Variants in PPEF1 observed in about 807,000 individuals in gnomAD.
PPEF1 encodes serine/threonine-protein phosphatase with EF-hands 1.
Under a neutral mutation model 53.3 loss-of-function variants are expected in PPEF1, and 12 were observed. That is an observed-to-expected ratio of 0.23 (90% CI 0.14 to 0.36). PPEF1 has a LOEUF of 0.36. Among genes scored for constraint, PPEF1 ranks in the 10% least tolerant of loss-of-function variants. The pLI, the probability that PPEF1 is intolerant of heterozygous loss-of-function variation, is 1.00. For synonymous variants in PPEF1, 165 were observed against 176.7 expected, an observed-to-expected ratio of 0.93 and a Z score of 0.52; for missense variants, 334 against 490.4, an observed-to-expected ratio of 0.68 and a Z score of 3.01.
chrX:18,720,171 T>C (rs1287521200), intron 1 of PPEF1, among the ~76,000 whole-genome samples: 3 of 111,839 alleles, frequency 2.7e-5, no homozygotes, highest in Non-Finnish European at 5.6e-5. Flanking sequence ...TTCAGTGTCA[T>C]TGAAGAGAAA....
chrX:18,696,702 T>C (rs1214043464), intron 4 of PPEF1, among the ~76,000 whole-genome samples: 4 of 111,576 alleles, frequency 3.6e-5, no homozygotes, highest in Admixed American at 9.5e-5. Flanking sequence ...TGGAGACTAC[T>C]AGGGGTTAGG....
At chrX:18,822,263 TC>T (rs754597085) in intron 13 of PPEF1, among the ~76,000 whole-genome samples, 2 of 110,072 alleles carry the variant, frequency 1.8e-5, no homozygotes, top group African/African-American at 3.3e-5. Flanking sequence ...GCAGTGTTCT[TC>T]CTGCACTGTC....
At position 18,782,306 on chromosome X, in the gene PPEF1, A is replaced by T. The variant is rs1016249871; in HGVS notation, c.726-60A>T. 1.0e-5 allele frequency: 10 copies of T among 965,374 alleles called. No homozygotes were observed. In the Admixed American group the frequency reaches 2.8e-4, roughly 27 times the overall value. 79.6% of individuals were successfully genotyped at this position (965,374 alleles called of 1,213,427 possible). A position where few individuals can be genotyped will look rare whatever the true frequency, so the allele number is the denominator to read the frequency against. On this transcript the variant is annotated intron_variant, in intron 7 of 15. Transcript: ENST00000470157. The stretch of plus-strand genomic sequence containing the variant: ...AGATGCCAAGGGCTTCCCTTTTTGC[A>T]TGACTCATGGAAGTAGGCGTTATCA...
Position 18,767,469 on chromosome X carries a change from C to T in PPEF1, c.558+5893C>T, listed in dbSNP as rs182331165. Reference sequence around the variant, plus strand: ...CTGAGGCAGAAGAATTGCTTGAACCCGGGATGCAGAGGTTGCAGTGAGCCG... The same window carrying T: ...CTGAGGCAGAAGAATTGCTTGAACCTGGGATGCAGAGGTTGCAGTGAGCCG... On this transcript the variant is annotated intron_variant, in intron 6 of 15. Coordinates refer to ENST00000470157, the MANE Select transcript of PPEF1 (RefSeq NM_001377996.1). 2.9e-4 allele frequency among the ~76,000 whole-genome samples: 32 copies of T among 111,649 alleles called. 2 individuals are homozygous for T. The highest frequency in any genetic ancestry group is 2.8e-3 in the Admixed American group (30 of 10,531).
At chrX:18,740,727 T>G (rs1037116521) in intron 3 of PPEF1, among the ~76,000 whole-genome samples, 10 of 111,449 alleles carry the variant, frequency 9.0e-5, no homozygotes, top group Non-Finnish European at 1.5e-4. Flanking sequence ...CTTTGATCTG[T>G]CTGTCTGTCT....
chrX:18,804,788 A>G (rs767705659), intron 11 of PPEF1, among the ~76,000 whole-genome samples: 1 of 111,503 alleles, frequency 9.0e-6, no homozygotes, highest in East Asian at 2.8e-4. Flanking sequence ...AGGGCCCAAA[A>G]CACAAAACAC....
At chrX:18,812,774 TTC>T (rs2046834156) in intron 12 of PPEF1, among the ~76,000 whole-genome samples, 1 of 111,717 alleles carries the variant, frequency 9.0e-6, no homozygotes, top group African/African-American at 3.2e-5. Flanking sequence ...TTCTTTCCTT[TTC>T]TCTTTTTTTG....
At chrX:18,710,459 G>A (rs1279574979) in intron 1 of PPEF1, among the ~76,000 whole-genome samples, 4 of 111,166 alleles carry the variant, frequency 3.6e-5, no homozygotes, top group Non-Finnish European at 7.5e-5. Flanking sequence ...TACTTTAAGA[G>A]TTTTGTAACA....
chrX:18,741,762 G>T (rs190429989), intron 3 of PPEF1, among the ~76,000 whole-genome samples: 1 of 99,856 alleles, frequency 1.0e-5, no homozygotes, highest in South Asian at 4.5e-4. Flanking sequence ...TTTGAGTCTG[G>T]CTGCTGCTTC....
chrX:18,703,393 A>G (rs2044127775), upstream of PPEF1, among the ~76,000 whole-genome samples: 1 of 112,369 alleles, frequency 8.9e-6, no homozygotes, highest in South Asian at 3.7e-4. Context: ...ATGATTTTAA[A>G]ACTTTCTTTA....
intron 10 of PPEF1, among the ~76,000 whole-genome samples, chrX:18,802,559 A>C (rs1436878696): frequency 8.9e-6 from 1 of 111,882 alleles, no homozygotes; most frequent in Admixed American, 9.5e-5. Context: ...AGGGGGGAAA[A>C]GTGAAGGAGA....
chrX:18,675,097 C>T (rs1054762331), upstream of PPEF1, among the ~76,000 whole-genome samples: 5 of 113,013 alleles, frequency 4.4e-5, no homozygotes, highest in East Asian at 5.7e-4. Flanking sequence ...GAGTTTGCGG[C>T]GGCTTCGAGT....
At chrX:18,795,539 A>G (rs2046415753) in intron 10 of PPEF1, among the ~76,000 whole-genome samples, 1 of 112,055 alleles carries the variant, frequency 8.9e-6, no homozygotes, top group Non-Finnish European at 1.9e-5. Context: ...AGTAAGATCT[A>G]TAAATATTCC....
intron 13 of PPEF1, among the ~76,000 whole-genome samples, chrX:18,819,386 T>A (rs1356639453): frequency 8.9e-6 from 1 of 111,909 alleles, no homozygotes; most frequent in African/African-American, 3.2e-5. Context: ...AGAATTAGTT[T>A]AGGAGTTATA....
intron 10 of PPEF1, among the ~76,000 whole-genome samples, chrX:18,801,919 G>A (rs1322834160): frequency 9.5e-6 from 1 of 105,488 alleles, no homozygotes; most frequent in Non-Finnish European, 1.9e-5. Flanking sequence ...AGGAGGCGGA[G>A]TTTGCAGTGA....
intron 1 of PPEF1, among the ~76,000 whole-genome samples, chrX:18,720,831 C>G (rs780032421): frequency 9.0e-6 from 1 of 110,864 alleles, no homozygotes; most frequent in Non-Finnish European, 1.9e-5. Flanking sequence ...GCTTTGGTGT[C>G]TGAGTTCCTT....
intron 9 of PPEF1, among the ~76,000 whole-genome samples, chrX:18,788,066 G>A (rs2238943): frequency 1.8e-5 from 2 of 110,701 alleles, no homozygotes; most frequent in East Asian, 2.9e-4. Context: ...CCTGTAATCC[G>A]AGCACTTTGG....
rs772567587 is a variant in PPEF1 at position 18,779,057 on chromosome X, T to C, written c.606T>C (p.Phe202=). 1.7e-6 allele frequency: 2 copies of C among 1,202,692 alleles called. No homozygotes were observed. Among genetic ancestry groups the C allele is most frequent in the African/African-American group, 1.8e-5 (1 of 56,968 alleles). The change falls in exon 7 of 16, where the codon TTT becomes TTC. Residue 202 remains phenylalanine (F), a synonymous_variant. Transcript: ENST00000470157. ...ACCCGTATGTTTTTAATGGTGACTTTGTAGATCGAGGAAAGAATTCCATAG... is the reference window on the plus strand; with the variant it reads ...ACCCGTATGTTTTTAATGGTGACTTCGTAGATCGAGGAAAGAATTCCATAG... ...ERNPYVFNGD[F]VDRGKNSIEI... is the part of the protein sequence containing the mutation.
At chrX:18,740,094 A>G (rs182787174) in intron 3 of PPEF1, among the ~76,000 whole-genome samples, 17 of 112,382 alleles carry the variant, frequency 1.5e-4, no homozygotes, top group African/African-American at 4.8e-4. Flanking sequence ...GGGTGAGGCG[A>G]TGCCCAGCCC....
Sources: gnomAD v4.1 joint callset for allele counts (sites outside exome capture counted in the v4.1 genomes callset) on GRCh38, gnomAD v4.1.1 for gene constraint, MANE v1.5 for transcripts, NCBI Gene and HGNC (gene_info 2026-07-23, HGNC 2026-07-21) for gene names.